The following PCDHGB5 variants were observed in gnomAD, a reference collection of about 807,000 sequenced individuals.
PCDHGB5 encodes the protein protocadherin gamma-B5.
A neutral mutation model predicts 62.9 loss-of-function variants in PCDHGB5; 48 were observed. The observed-to-expected ratio is 0.76, with a 90% CI of 0.61 to 0.97. PCDHGB5 has a LOEUF of 0.97. Among genes scored for constraint, PCDHGB5 ranks in the 50% least tolerant of loss-of-function variants. The probability of loss-of-function intolerance (pLI) is 0.00; values close to 1 mark genes in which losing one functional copy is unlikely to be tolerated. For missense variants in PCDHGB5, 1,118 were observed against 1,198.6 expected (o/e 0.93, Z 0.99); for synonymous variants, 474 against 511.2 (o/e 0.93, Z 0.98).
At chr5:141,480,948 G>C (rs1288557779) in intron 1 of PCDHGB5, among the ~76,000 whole-genome samples, 1 of 152,138 alleles carries the variant, frequency 6.6e-6, no homozygotes, top group Non-Finnish European at 1.5e-5. Context: ...TAGAGGCTGA[G>C]GCGGAAGCAT....
At chr5:141,502,552 T>C (rs1217408446) in intron 2 of PCDHGB5, among the ~76,000 whole-genome samples, 1 of 152,146 alleles carries the variant, frequency 6.6e-6, no homozygotes, top group Non-Finnish European at 1.5e-5. Context: ...AAAAACAGTG[T>C]CCCAGATCTC....
chr5:141,407,989 T>G, intron 1 of PCDHGB5: 1 of 833,618 alleles, frequency 1.2e-6, no homozygotes, highest in Non-Finnish European at 1.8e-6. Flanking sequence ...TCCGTCAGCC[T>G]CTGGCCTGGG....
chr5:141,498,967 GGGAGGGAAGGAAGGAA>G (rs1333462541), intron 2 of PCDHGB5, among the ~76,000 whole-genome samples: 8 of 129,672 alleles, frequency 6.2e-5, no homozygotes, highest in East Asian at 2.2e-4. Context: ...GAGGGAGGGA[GGGAGGGAAGGAAGGAA>G]GGAAGGAAGG....
At chr5:141,413,342 TG>T in intron 1 of PCDHGB5, 1 of 1,613,974 alleles carries the variant, frequency 6.2e-7, no homozygotes, top group South Asian at 1.1e-5. Flanking sequence ...TCCAAGGACT[TG>T]GGTCTGGCGC....
chr5:141,476,666 G>C lies in PCDHGB5; in HGVS notation c.2398-18141G>C, dbSNP rs2099395856. On this transcript the variant is annotated intron_variant, in intron 1 of 3. Coordinates refer to ENST00000617380, the MANE Select transcript of PCDHGB5 (RefSeq NM_018925.3). This position sits in a 1 kb window ranked among gnomAD's most constrained non-coding sequence, Gnocchi z 7.6. The stretch of plus-strand genomic sequence containing the variant: ...CCGAAATGAATACTTTGCGCTTCGC[G>C]TGCAGACGCGGGAGGACAGCACCAA... 6.2e-7 allele frequency: 1 copy of C among 1,614,246 alleles called. No individual in the cohort carries two copies. The highest frequency in any genetic ancestry group is 8.5e-7 in the Non-Finnish European group (1 of 1,180,044).
chr5:141,426,238 T>C, intron 1 of PCDHGB5: 1 of 158,644 alleles, frequency 6.3e-6, no homozygotes, highest in Admixed American at 5.9e-5. Context: ...AAGCACTTTG[T>C]GAAACATTTT....
chr5:141,427,782 T>G, intron 1 of PCDHGB5: 1 of 1,459,986 alleles, frequency 6.8e-7, no homozygotes, highest in Middle Eastern at 1.7e-4. Context: ...GCGGGCACTG[T>G]CGTCCTACGT....
At chr5:141,419,052 C>A (rs1017300472) in intron 1 of PCDHGB5, 6 of 1,613,948 alleles carry the variant, frequency 3.7e-6, no homozygotes, top group East Asian at 2.2e-5. Context: ...CATTCTTCTT[C>A]TAATAATTAC....
chr5:141,491,126 G>A lies in PCDHGB5; in HGVS notation c.2398-3681G>A, dbSNP rs768294944. 1.4e-5 allele frequency: 23 copies of A among 1,613,978 alleles called. No individual in the cohort carries two copies. In the East Asian group the frequency reaches 3.1e-4, roughly 22 times the overall value. On this transcript the variant is annotated intron_variant, in intron 1 of 3. Transcript: ENST00000617380. This position sits in a 1 kb window ranked among gnomAD's most constrained non-coding sequence, Gnocchi z 6.9. ...GTGTCTACACACACTGGTGAGGTGCGCACAGCCCGGGCCTTACTGGAGGAT... is the reference window on the plus strand; with the variant it reads ...GTGTCTACACACACTGGTGAGGTGCACACAGCCCGGGCCTTACTGGAGGAT...
chr5:141,411,969 T>G (rs2095526864), intron 1 of PCDHGB5: 1 of 152,258 alleles, frequency 6.6e-6, no homozygotes, highest in Non-Finnish European at 1.5e-5. Context: ...ATAAAATCTT[T>G]GAAGAGTTCT....
intron 1 of PCDHGB5, chr5:141,428,082 G>T (rs776612130): frequency 1.2e-6 from 2 of 1,609,030 alleles, no homozygotes; most frequent in South Asian, 2.2e-5. Flanking sequence ...GGGACACAAC[G>T]CTTGGCTGTC....
At position 141,410,351 on chromosome 5, in the gene PCDHGB5, C is replaced by T. The variant is rs372351374; in HGVS notation, c.2397+9827C>T. ...TCTGGCCATTGCCTTGCGCCTGCGA[C>T]GCTCTCTCAGCCCTGCTACTTGGGA... On this transcript the variant is annotated intron_variant, in intron 1 of 3. Coordinates refer to ENST00000617380, the MANE Select transcript of PCDHGB5 (RefSeq NM_018925.3). The T allele has an allele frequency of 2.5e-6, 4 of 1,613,948 alleles. No homozygotes were observed. In the African/African-American group the frequency reaches 4.0e-5, roughly 16 times the overall value.
chr5:141,409,781 G>A lies in PCDHGB5; in HGVS notation c.2397+9257G>A, dbSNP rs753415525. On this transcript the variant is annotated intron_variant, in intron 1 of 3. Transcript: ENST00000617380. ...CGCCTTTGATCACGAGCAGCTGCGC[G>A]CCTTCGCGCTCACGCTGCAGGCCCG... is the stretch of plus-strand genomic sequence containing the variant. The A allele has an allele frequency of 8.7e-6, 14 of 1,612,178 alleles. No individual in the cohort carries two copies. The highest frequency in any genetic ancestry group is 6.7e-5 in the Admixed American group (4 of 59,882).
At chr5:141,501,409 A>G (rs1358547245) in intron 2 of PCDHGB5, among the ~76,000 whole-genome samples, 1 of 151,978 alleles carries the variant, frequency 6.6e-6, no homozygotes, top group African/African-American at 2.4e-5. Context: ...ACTGCTTGGA[A>G]AATAGTTGAC....
intron 1 of PCDHGB5, chr5:141,419,186 A>G: frequency 1.2e-6 from 2 of 1,613,940 alleles, no homozygotes; most frequent in Non-Finnish European, 1.7e-6. Context: ...CCTGCACATT[A>G]CTGACGTCAA....
chr5:141,477,705 G>A lies in PCDHGB5; in HGVS notation c.2398-17102G>A, dbSNP rs1285254654. On this transcript the variant is annotated intron_variant, in intron 1 of 3. Coordinates refer to ENST00000617380, the MANE Select transcript of PCDHGB5 (RefSeq NM_018925.3). The surrounding 1 kb of genome is among the most constrained non-coding windows in gnomAD (Gnocchi z 4.9). ...TTAGTGCCCCTAGACTATGAGGATCGGCGGGAATTTGAATTAACAGCTCAT... is the reference window on the plus strand; with the variant it reads ...TTAGTGCCCCTAGACTATGAGGATCAGCGGGAATTTGAATTAACAGCTCAT... The A allele has an allele frequency of 6.2e-7, 1 of 1,614,008 alleles. No homozygotes were observed. Among genetic ancestry groups the A allele is most frequent in the Non-Finnish European group, 8.5e-7 (1 of 1,180,048 alleles).
At chr5:141,413,271 C>T in intron 1 of PCDHGB5, 1 of 1,613,940 alleles carries the variant, frequency 6.2e-7, no homozygotes, top group Non-Finnish European at 8.5e-7. Flanking sequence ...AGGCTGGAGC[C>T]CGGCAGATCT....
rs1221457638 is a variant in PCDHGB5, at chr5:141,399,123, T to C, written c.996T>C (p.Asn332=). ...GLVAQCTVEI[N]IQDENDNSPE... is the part of the protein sequence containing the mutation. ...TTGCACAATGTACAGTTGAAATTAA[T>C]ATTCAAGATGAAAATGACAATAGCC... The change falls in exon 1 of 4, where the codon AAT becomes AAC. Residue 332 remains asparagine (N), a synonymous_variant. Coordinates refer to ENST00000617380, the MANE Select transcript of PCDHGB5 (RefSeq NM_018925.3). 7.4e-6 allele frequency: 12 copies of C among 1,613,828 alleles called. No homozygotes were observed. The highest frequency in any genetic ancestry group is 2.2e-5 in the East Asian group (1 of 44,896).
At chr5:141,463,738 G>C (rs1002263384) in intron 1 of PCDHGB5, among the ~76,000 whole-genome samples, 1 of 151,978 alleles carries the variant, frequency 6.6e-6, no homozygotes, top group East Asian at 1.9e-4. Flanking sequence ...GAGCCACCGC[G>C]CCCGGCCTGC....
Sources: allele counts gnomAD v4.1 joint callset (sites outside exome capture counted in the v4.1 genomes callset), GRCh38; gene constraint gnomAD v4.1.1; non-coding constraint Gnocchi (gnomAD v3.1); transcripts MANE v1.5; gene names NCBI Gene and HGNC (gene_info 2026-07-23, HGNC 2026-07-21).